Variants in ASIC2 observed in about 807,000 individuals in gnomAD.
ASIC2 encodes acid-sensing ion channel 2.
Under a neutral mutation model 57.3 loss-of-function variants are expected in ASIC2, and 25 were observed. The ratio of observed to expected loss-of-function variants is 0.44; its 90% confidence interval spans 0.32 to 0.61. ASIC2 has a LOEUF of 0.61. Among genes scored for constraint, ASIC2 ranks in the 20% least tolerant of loss-of-function variants. ASIC2 has a pLI of 0.06. For missense variants in ASIC2, 641 were observed against 738.1 expected (o/e 0.87, Z 1.52); for synonymous variants, 319 against 307.5 (o/e 1.04, Z -0.39).
Position 33,703,847 on chromosome 17 carries a change from A to G in ASIC2, c.555+452131T>C, listed in dbSNP as rs183007830. Among the ~76,000 whole-genome samples the G allele has an allele frequency of 2.6e-5, 4 of 152,230 alleles. No individual in the cohort carries two copies. In the East Asian group the frequency reaches 7.7e-4, roughly 29 times the overall value. ...TGCCCTCCTGTCCTCCCCCTTAGCT[A>G]GGTGGGCCAGGCCAGAGCTCCTAAG... On this transcript the variant is annotated intron_variant, in intron 1 of 9. Transcript: ENST00000359872.
chr17:33,462,324 C>T (rs1467889756), intron 1 of ASIC2, among the ~76,000 whole-genome samples: 1 of 152,204 alleles, frequency 6.6e-6, no homozygotes, highest in Non-Finnish European at 1.5e-5. Context: ...AGCCATGGGA[C>T]TAAATTCTAG....
At chr17:33,954,045 C>T (rs1247691470) in intron 1 of ASIC2, among the ~76,000 whole-genome samples, 1 of 152,128 alleles carries the variant, frequency 6.6e-6, no homozygotes, top group Non-Finnish European at 1.5e-5. Context: ...AGAAAGGAAC[C>T]TGGGCTAAGC....
intron 1 of ASIC2, among the ~76,000 whole-genome samples, chr17:33,453,070 T>C (rs958155658): frequency 3.3e-5 from 5 of 152,214 alleles, no homozygotes; most frequent in Non-Finnish European, 7.4e-5. Flanking sequence ...TGCTAACTTA[T>C]GCCTATGAGT....
At chr17:33,184,055 T>C (rs72819133) in intron 1 of ASIC2, among the ~76,000 whole-genome samples, 18,443 of 152,192 alleles carry the variant, frequency 0.12, 1,542 homozygotes, top group African/African-American at 0.22. Context: ...AACTGGTACA[T>C]TAAATAGTAC....
chr17:33,038,487 G>A (rs2091917963), intron 3 of ASIC2, among the ~76,000 whole-genome samples: 3 of 152,162 alleles, frequency 2.0e-5, no homozygotes, highest in African/African-American at 7.2e-5. Context: ...AGTCATTAGT[G>A]TATAATGAAC....
At chr17:33,692,787 A>C (rs1908413377) in intron 1 of ASIC2, among the ~76,000 whole-genome samples, 1 of 152,188 alleles carries the variant, frequency 6.6e-6, no homozygotes, top group African/African-American at 2.4e-5. Context: ...AATGTGTTGC[A>C]CTATGATGGT....
At chr17:33,196,325 A>G (rs993783665) in intron 1 of ASIC2, among the ~76,000 whole-genome samples, 4 of 152,090 alleles carry the variant, frequency 2.6e-5, no homozygotes, top group Non-Finnish European at 5.9e-5. Flanking sequence ...GACGATGATG[A>G]TGATGATGAT....
At chr17:33,852,994 C>A (rs547029324) in intron 1 of ASIC2, among the ~76,000 whole-genome samples, 6 of 152,096 alleles carry the variant, frequency 3.9e-5, no homozygotes, top group Admixed American at 6.6e-5. Flanking sequence ...CTTTCCCCCC[C>A]GTCATAGACA....
At chr17:33,813,218 AAAG>A (rs1172910846) in intron 1 of ASIC2, among the ~76,000 whole-genome samples, 1 of 152,156 alleles carries the variant, frequency 6.6e-6, no homozygotes, top group Non-Finnish European at 1.5e-5. Flanking sequence ...GGTAGAGAGC[AAAG>A]AGCCCAGACT....
At chr17:33,595,769 A>G (rs913903277) in intron 1 of ASIC2, among the ~76,000 whole-genome samples, 4 of 152,220 alleles carry the variant, frequency 2.6e-5, no homozygotes, top group East Asian at 1.9e-4. Flanking sequence ...ATAATGATGC[A>G]TCGTTTTCAG....
At chr17:33,101,448 C>T (rs1172205885) in intron 2 of ASIC2, among the ~76,000 whole-genome samples, 2 of 152,204 alleles carry the variant, frequency 1.3e-5, no homozygotes, top group Non-Finnish European at 2.9e-5. Flanking sequence ...ACCCCCGAGT[C>T]CTACTTCTCA....
intron 1 of ASIC2, among the ~76,000 whole-genome samples, chr17:33,125,494 T>G (rs976314833): frequency 6.6e-6 from 1 of 152,168 alleles, no homozygotes; most frequent in Non-Finnish European, 1.5e-5. Context: ...GCTTTCACAA[T>G]GAAAGACAAA....
intron 1 of ASIC2, among the ~76,000 whole-genome samples, chr17:33,901,901 G>A (rs748757480): frequency 4.6e-5 from 7 of 152,072 alleles, no homozygotes; most frequent in African/African-American, 9.7e-5. Context: ...ATGATATTGC[G>A]ACTATGCTCG....
chr17:33,477,216 C>T (rs12450310), intron 1 of ASIC2, among the ~76,000 whole-genome samples: 90,426 of 151,992 alleles, frequency 0.59, 27,198 homozygotes, highest in Non-Finnish European at 0.65. Flanking sequence ...TCTATCCATG[C>T]AAAATATCAC....
At chr17:34,026,879 T>G (rs909654275) in intron 1 of ASIC2, among the ~76,000 whole-genome samples, 1 of 152,188 alleles carries the variant, frequency 6.6e-6, no homozygotes, top group Non-Finnish European at 1.5e-5. Flanking sequence ...ATCTGACAGT[T>G]TTTGCACAGA....
chr17:33,815,540 C>T (rs1198124732), intron 1 of ASIC2, among the ~76,000 whole-genome samples: 1 of 152,216 alleles, frequency 6.6e-6, no homozygotes, highest in Non-Finnish European at 1.5e-5. Context: ...CTGAATTCCT[C>T]TTACCAAACT....
intron 1 of ASIC2, among the ~76,000 whole-genome samples, chr17:33,761,836 C>CTTT (rs34948462): frequency 1.5e-5 from 2 of 137,382 alleles, no homozygotes; most frequent in Non-Finnish European, 1.6e-5. Context: ...AGCGCAAGGG[C>CTTT]TTTTTTTTTT....
At chr17:33,176,544 G>A (rs557427840) in intron 1 of ASIC2, among the ~76,000 whole-genome samples, 1 of 152,118 alleles carries the variant, frequency 6.6e-6, no homozygotes, top group Non-Finnish European at 1.5e-5. Flanking sequence ...GTCTCACCAC[G>A]TTGCCCAGGC....
intron 2 of ASIC2, among the ~76,000 whole-genome samples, chr17:33,093,971 TG>T (rs1273211108): frequency 6.6e-6 from 1 of 151,984 alleles, no homozygotes. Flanking sequence ...AGTGGCTGAG[TG>T]GGGGAACCCT....
Sources: allele counts gnomAD v4.1 joint callset (sites outside exome capture counted in the v4.1 genomes callset), GRCh38; gene constraint gnomAD v4.1.1; transcripts MANE v1.5; gene names NCBI Gene and HGNC (gene_info 2026-07-23, HGNC 2026-07-21).